Variants in ABCA3 observed in about 807,000 individuals in gnomAD.
ABCA3 encodes the protein phospholipid-transporting ATPase ABCA3.
A neutral mutation model predicts 172.8 loss-of-function variants in ABCA3; 88 were observed. The observed-to-expected ratio is 0.51, with a 90% CI of 0.43 to 0.61. ABCA3 has a LOEUF of 0.61. ABCA3 is among the 20% of genes least tolerant of loss of function. The pLI is 0.00. For missense variants in ABCA3, 2,164 were observed against 2,301.0 expected (o/e 0.94, Z 1.22); for synonymous variants, 1,066 against 983.8 (o/e 1.08, Z -1.56).
intron 12 of ABCA3, among the ~76,000 whole-genome samples, chr16:2,300,407 C>T (rs767049815): frequency 3.3e-5 from 5 of 152,066 alleles, no homozygotes; most frequent in Non-Finnish European, 5.9e-5. Flanking sequence ...AACTCAGATC[C>T]GATACAGGGC....
intron 13 of ABCA3, 27 bp downstream of exon 13, chr16:2,299,978 C>A (rs1396837872): frequency 6.2e-7 from 1 of 1,611,400 alleles, no homozygotes; most frequent in Non-Finnish European, 8.5e-7. Flanking sequence ...CAGCCCCGGC[C>A]CTCCCTGTCC....
intron 12 of ABCA3, among the ~76,000 whole-genome samples, chr16:2,300,552 A>G (rs1448853737): frequency 6.6e-6 from 1 of 152,146 alleles, no homozygotes; most frequent in Non-Finnish European, 1.5e-5. Flanking sequence ...CAAGCCCCAC[A>G]TGAGTTCATG....
At chr16:2,326,358 C>G (rs1023074235) in intron 4 of ABCA3, 55 bp downstream of exon 4, 18 of 1,612,040 alleles carry the variant, frequency 1.1e-5, no homozygotes, top group African/African-American at 5.3e-5. Context: ...AAGGGCATCC[C>G]CAGGAGCCTC....
chr16:2,311,336 T>G (rs1363248515), intron 10 of ABCA3, among the ~76,000 whole-genome samples: 1 of 152,172 alleles, frequency 6.6e-6, no homozygotes, highest in Non-Finnish European at 1.5e-5. Flanking sequence ...CACAGATATA[T>G]AGTTGGAAAA....
In ABCA3 at chr16:2,328,284, C is replaced by T. The variant is rs570849484; in HGVS notation, c.-27+169G>A. 1.8e-4 allele frequency among the ~76,000 whole-genome samples: 27 copies of T among 152,112 alleles called. No homozygotes were observed. The East Asian group carries it at 5.2e-3, about 30-fold the overall frequency. On this transcript the variant is annotated intron_variant, in intron 3 of 32. Transcript: ENST00000301732. ...GTGGCTCATGCTTGTAAACCCAGCA[C>T]TTTGGGAGGCCGAGGCAGGAGGATC...
chr16:2,308,950 C>T (rs891903434), intron 10 of ABCA3, among the ~76,000 whole-genome samples: 3 of 152,054 alleles, frequency 2.0e-5, no homozygotes, highest in East Asian at 1.9e-4. Flanking sequence ...CTAAGCCCCA[C>T]TTCTTTTTTT....
intron 12 of ABCA3, among the ~76,000 whole-genome samples, chr16:2,302,903 C>T (rs2093691736): frequency 6.6e-6 from 1 of 152,132 alleles, no homozygotes; most frequent in Admixed American, 6.5e-5. Context: ...GTTCTCCCTG[C>T]CTCAGCCTCC....
intron 26 of ABCA3, among the ~76,000 whole-genome samples, chr16:2,282,070 A>T (rs553225304): frequency 1.8e-4 from 28 of 152,312 alleles, no homozygotes; most frequent in African/African-American, 6.7e-4. Context: ...GATTACAGGC[A>T]TTAGCCACCA....
In ABCA3 at chr16:2,279,191, G is replaced by A; in HGVS notation, c.4360-61C>T. The A allele has an allele frequency of 1.3e-6, 2 of 1,577,842 alleles. No individual in the cohort carries two copies. The highest frequency in any genetic ancestry group is 1.7e-6 in the Non-Finnish European group (2 of 1,162,796). On this transcript the variant is annotated intron_variant, in intron 28 of 32. Coordinates refer to ENST00000301732, the MANE Select transcript of ABCA3 (RefSeq NM_001089.3). The surrounding 1 kb of genome is among the most constrained non-coding windows in gnomAD (Gnocchi z 4.4). ...TGGAGGGAAGCCTCCTTCCTCCAGA[G>A]GACCACGGGGACTACCCTTGAGGTG...
At chr16:2,307,036 A>AAAAG (rs2093699011) in intron 11 of ABCA3, among the ~76,000 whole-genome samples, 1 of 148,278 alleles carries the variant, frequency 6.7e-6, no homozygotes, top group African/African-American at 2.4e-5. Context: ...AAAAAAAAAA[A>AAAAG]AAAGAAAAGA....
At chr16:2,298,642 TGA>T (rs1324892907) in intron 14 of ABCA3, 102 bp from the exon 15 acceptor site, 2 of 1,452,676 alleles carry the variant, frequency 1.4e-6, no homozygotes, top group Non-Finnish European at 1.9e-6. Flanking sequence ...TAATTTCCTC[TGA>T]GGACCCTGCC....
At position 2,308,456 on chromosome 16, in the gene ABCA3, C is replaced by T; in HGVS notation, c.1279G>A (p.Ala427Thr). 1 of 1,614,206 alleles carries T rather than the reference C, an allele frequency of 6.2e-7. No homozygotes were observed. The highest frequency in any genetic ancestry group is 8.5e-7 in the Non-Finnish European group (1 of 1,180,022). The change falls in exon 11 of 33, where the codon GCG becomes ACG. Residue 427 changes from alanine to threonine, a missense_variant. Coordinates refer to ENST00000301732, the MANE Select transcript of ABCA3 (RefSeq NM_001089.3). ...GGACAAGGCAAACACTCACCTTTCG[C>T]CTCAAATTTCCCAATGAGCTGGGCT... ...MGAQLIGKFE[A>T]KGMGIQWRDL...
Position 2,281,519 on chromosome 16 carries a change from C to G in ABCA3, c.4036-10G>C. Reference sequence around the variant, plus strand: ...GGGTGTATAATTCTGTCTGATTGACCAGGACAAAGACCGCATGCGTGAACC... The same window carrying G: ...GGGTGTATAATTCTGTCTGATTGACGAGGACAAAGACCGCATGCGTGAACC... On this transcript the variant is annotated splice_polypyrimidine_tract_variant and intron_variant, in intron 26 of 32. Coordinates refer to ENST00000301732, the MANE Select transcript of ABCA3 (RefSeq NM_001089.3). The surrounding 1 kb of genome is among the most constrained non-coding windows in gnomAD (Gnocchi z 4.7). 6.2e-7 allele frequency: 1 copy of G among 1,609,874 alleles called. No homozygotes were observed.
In ABCA3 at chr16:2,297,946, G is replaced by C; in HGVS notation, c.1897-25C>G. On this transcript the variant is annotated intron_variant, in intron 15 of 32. Transcript: ENST00000301732. This position sits in a 1 kb window ranked among gnomAD's most constrained non-coding sequence, Gnocchi z 5.6. Reference sequence around the variant, plus strand: ...GCTGCAACGACAGGGGACGCAGGGAGATGCAGGGCTCCTGGCGGGAGGCCG... The same window carrying C: ...GCTGCAACGACAGGGGACGCAGGGACATGCAGGGCTCCTGGCGGGAGGCCG... 1 of 1,612,858 alleles carries C rather than the reference G, an allele frequency of 6.2e-7. No homozygotes were observed. Among genetic ancestry groups the C allele is most frequent in the South Asian group, 1.1e-5 (1 of 91,020 alleles).
chr16:2,306,310 G>GCCA lies in ABCA3; in HGVS notation c.1285+2139_1285+2140insTGG. 2.6e-5 allele frequency among the ~76,000 whole-genome samples: 4 copies of GCCA among 152,170 alleles called. No homozygotes were observed. In the South Asian group the frequency reaches 8.3e-4, roughly 32 times the overall value. On this transcript the variant is annotated intron_variant, in intron 11 of 32. Coordinates refer to ENST00000301732, the MANE Select transcript of ABCA3 (RefSeq NM_001089.3). ...ACTGCACTCCAGCCTGGGCAATGGAGTAAGACCCTATCTCCAAAAAAAAAT... is the reference window on the plus strand; with the variant it reads ...ACTGCACTCCAGCCTGGGCAATGGAGCCATAAGACCCTATCTCCAAAAAAAAAT...
At position 2,276,681 on chromosome 16, in the gene ABCA3, C is replaced by T; in HGVS notation, c.5108G>A (p.Gly1703Glu). 1 of 1,613,394 alleles carries T rather than the reference C, an allele frequency of 6.2e-7. No homozygotes were observed. The highest frequency in any genetic ancestry group is 8.5e-7 in the Non-Finnish European group (1 of 1,180,034). Residue 1703 changes from glycine to glutamate, a missense_variant, in exon 33 of 33, where the codon GGG becomes GAG. Around this residue, in one of 3 missense-constraint regions of ABCA3, gnomAD observed 795 missense variants for 881.9 expected, o/e 0.90. Transcript: ENST00000301732. ...AHLQPPTAEE[G>E]R ...CGAGACAGCCGCCACCCCTCATCGC[C>T]CCTCCTCTGCGGTGGGCGGCTGCAG...
chr16:2,298,995 T>C (rs1444000754), intron 14 of ABCA3, among the ~76,000 whole-genome samples: 1 of 152,136 alleles, frequency 6.6e-6, no homozygotes, highest in East Asian at 2.0e-4. Flanking sequence ...CCTGTCAAGC[T>C]TGGGTATTCA....
At position 2,297,229 on chromosome 16, in the gene ABCA3, A is replaced by C. The variant is rs997618831; in HGVS notation, c.2263+100T>G. ...ACAGACAGGAAGTCTAGAAAAGGCC[A>C]CCCCTGCCTGATCTGAGGGCCCTTC... On this transcript the variant is annotated intron_variant, in intron 17 of 32. Transcript: ENST00000301732. The surrounding 1 kb of genome is among the most constrained non-coding windows in gnomAD (Gnocchi z 5.6). 177 of 1,359,600 alleles carry C rather than the reference A, an allele frequency of 1.3e-4. No homozygotes were observed. Among genetic ancestry groups the C allele is most frequent in the Non-Finnish European group, 1.1e-4 (103 of 979,740 alleles). The allele number at this position is 1,359,600 out of a possible 1,614,324, so 84.2% of individuals were successfully genotyped here.
rs750430206 is a variant in ABCA3, at chr16:2,326,484, C to T, written c.-18G>A. The T allele has an allele frequency of 2.1e-5, 34 of 1,605,370 alleles. No homozygotes were observed. Among genetic ancestry groups the T allele is most frequent in the South Asian group, 4.5e-5 (4 of 89,650 alleles). ...ACAGCCATCGTCTTGCTGAAAGGGA[C>T]GCCCAGTGCTAGTTACAGACCAAAG... On this transcript the variant is annotated 5_prime_UTR_variant, in exon 4 of 33. Transcript: ENST00000301732.
Sources: gnomAD v4.1 joint callset for allele counts (sites outside exome capture counted in the v4.1 genomes callset) on GRCh38, gnomAD v4.1.1 for gene constraint, gnomAD v4.1.1 regional missense constraint, Gnocchi (gnomAD v3.1) non-coding constraint, MANE v1.5 for transcripts, NCBI Gene and HGNC (gene_info 2026-07-23, HGNC 2026-07-21) for gene names.